Variants in PCCA observed in about 807,000 individuals in gnomAD.
PCCA encodes propionyl-CoA carboxylase alpha chain, mitochondrial.
Under a neutral mutation model 101.3 loss-of-function variants are expected in PCCA, and 74 were observed. The ratio of observed to expected loss-of-function variants is 0.73; its 90% CI spans 0.61 to 0.89. PCCA has a LOEUF of 0.89. PCCA is among the 40% of genes least tolerant of loss of function. The pLI is 0.00. For missense variants in PCCA, 891 were observed against 907.0 expected, an observed-to-expected ratio of 0.98 and a Z score of 0.23; for synonymous variants, 294 against 313.6, an observed-to-expected ratio of 0.94 and a Z score of 0.66.
intron 8 of PCCA, among the ~76,000 whole-genome samples, chr13:100,246,065 C>A (rs2061410065): frequency 6.6e-6 from 1 of 152,086 alleles, no homozygotes; most frequent in African/African-American, 2.4e-5. Flanking sequence ...CTTTATACAC[C>A]TGTATCAACT....
chr13:100,286,770 G>A (rs954450870), intron 12 of PCCA, among the ~76,000 whole-genome samples: 1 of 149,610 alleles, frequency 6.7e-6, no homozygotes, highest in Non-Finnish European at 1.5e-5. Context: ...TTAATGTCTT[G>A]GCAGGATTAA....
In PCCA at chr13:100,268,496, G is replaced by A. The variant is rs182654282; in HGVS notation, c.820-193G>A. 9.2e-4 allele frequency: 598 copies of A among 649,452 alleles called. 5 individuals carry two copies. The highest frequency in any genetic ancestry group is 7.3e-3 in the African/African-American group (402 of 54,760). 40.2% of individuals were successfully genotyped at this position (649,452 alleles called of 1,614,324 possible). On this transcript the variant is annotated intron_variant, in intron 10 of 23. Coordinates refer to ENST00000376285, the MANE Select transcript of PCCA (RefSeq NM_000282.4). ...TTCCTCAAATCTTTTTGATAAAAAT[G>A]TTTTATTGAGCTTTGGAGTAATAAA... is the stretch of plus-strand genomic sequence containing the variant.
intron 18 of PCCA, among the ~76,000 whole-genome samples, chr13:100,340,956 G>T (rs1036440860): frequency 6.6e-6 from 1 of 152,202 alleles, no homozygotes; most frequent in Non-Finnish European, 1.5e-5. Flanking sequence ...AAGATGGAAG[G>T]TGATGAACTA....
chr13:100,102,168 T>G (rs1054268094), intron 1 of PCCA, among the ~76,000 whole-genome samples: 13 of 152,008 alleles, frequency 8.6e-5, no homozygotes, highest in Admixed American at 3.3e-4. Context: ...TTCAGTGGGG[T>G]CTTGCTCTGT....
intron 22 of PCCA, among the ~76,000 whole-genome samples, chr13:100,523,602 C>G (rs147119789): frequency 6.6e-6 from 1 of 152,186 alleles, no homozygotes; most frequent in Admixed American, 6.5e-5. Flanking sequence ...TCTCTCAAGC[C>G]TTGTTTGGGG....
At chr13:100,463,050 G>A (rs1044574795) in intron 21 of PCCA, among the ~76,000 whole-genome samples, 1 of 152,194 alleles carries the variant, frequency 6.6e-6, no homozygotes, top group African/African-American at 2.4e-5. Context: ...GCAGGTTGTA[G>A]AAACTGCACT....
intron 21 of PCCA, among the ~76,000 whole-genome samples, chr13:100,505,852 C>A (rs1261632442): frequency 6.6e-6 from 1 of 151,708 alleles, no homozygotes; most frequent in African/African-American, 2.4e-5. Flanking sequence ...GTTTCTCTGC[C>A]CACCCTCCCC....
intron 22 of PCCA, among the ~76,000 whole-genome samples, chr13:100,523,275 T>C (rs2087456043): frequency 6.6e-6 from 1 of 152,214 alleles, no homozygotes; most frequent in Non-Finnish European, 1.5e-5. Context: ...CAAAGCATAC[T>C]ATAAGCTTGA....
intron 16 of PCCA, among the ~76,000 whole-genome samples, chr13:100,312,579 G>T (rs1461125169): frequency 6.6e-6 from 1 of 152,206 alleles, no homozygotes; most frequent in Non-Finnish European, 1.5e-5. Context: ...TTCATCTTTT[G>T]TGAATCTTTC....
intron 20 of PCCA, among the ~76,000 whole-genome samples, chr13:100,442,293 C>T (rs1429396311): frequency 6.6e-6 from 1 of 152,168 alleles, no homozygotes; most frequent in Non-Finnish European, 1.5e-5. Flanking sequence ...CACGCCTGGC[C>T]TGTCCTTCCT....
chr13:100,151,997 CA>C (rs771439513), intron 4 of PCCA, among the ~76,000 whole-genome samples: 1 of 151,102 alleles, frequency 6.6e-6, no homozygotes, highest in Non-Finnish European at 1.5e-5. Context: ...ATTATTAAGC[CA>C]AAAAAAACAC....
intron 4 of PCCA, among the ~76,000 whole-genome samples, chr13:100,128,800 AT>A (rs2050212421): frequency 6.6e-6 from 1 of 152,240 alleles, no homozygotes; most frequent in African/African-American, 2.4e-5. Flanking sequence ...CTTTGGTGCC[AT>A]TTTAATCTCC....
chr13:100,232,363 T>C (rs893949929), intron 7 of PCCA, among the ~76,000 whole-genome samples: 81 of 149,776 alleles, frequency 5.4e-4, no homozygotes, highest in African/African-American at 1.6e-3. Context: ...TGTGTGTGTG[T>C]GTGTGTGTGT....
chr13:100,309,618 T>C (rs2066745970), intron 15 of PCCA, among the ~76,000 whole-genome samples: 1 of 152,186 alleles, frequency 6.6e-6, no homozygotes, highest in South Asian at 2.1e-4. Context: ...TTTACTATGA[T>C]AATGAAATGT....
At chr13:100,183,842 G>T (rs539657674) in intron 6 of PCCA, among the ~76,000 whole-genome samples, 41 of 152,256 alleles carry the variant, frequency 2.7e-4, no homozygotes, top group African/African-American at 9.9e-4. Flanking sequence ...ACCCCTGTGA[G>T]CTTTGAAATG....
At chr13:100,208,849 C>T (rs1359527510) in intron 6 of PCCA, among the ~76,000 whole-genome samples, 4 of 152,098 alleles carry the variant, frequency 2.6e-5, no homozygotes, top group African/African-American at 7.2e-5. Flanking sequence ...GTTCACGTTT[C>T]CTGGAAATTG....
chr13:100,260,393 GTGTGTTTT>G lies in PCCA; in HGVS notation c.717-2334_717-2327del, dbSNP rs1462916069. Among the ~76,000 whole-genome samples the G allele has an allele frequency of 4.0e-5, 6 of 148,832 alleles. No homozygotes were observed. In the East Asian group the frequency reaches 7.8e-4, roughly 19 times the overall value. ...AAGCAAATTAGTTGTGTGTGTGTGTGTGTGTTTTTTTTTTTTTTTTTGAGATGGAGTCT... is the reference window on the plus strand; with the variant it reads ...AAGCAAATTAGTTGTGTGTGTGTGTGTTTTTTTTTTTTTGAGATGGAGTCT... On this transcript the variant is annotated intron_variant, in intron 9 of 23. Coordinates refer to ENST00000376285, the MANE Select transcript of PCCA (RefSeq NM_000282.4).
intron 12 of PCCA, among the ~76,000 whole-genome samples, chr13:100,283,073 A>G (rs1228223401): frequency 6.6e-6 from 1 of 151,964 alleles, no homozygotes; most frequent in Non-Finnish European, 1.5e-5. Flanking sequence ...AGACCTGGGG[A>G]AGTTTTCAGA....
At position 100,260,889 on chromosome 13, in the gene PCCA, C is replaced by CT. The variant is rs144474242; in HGVS notation, c.717-1837dup. ...GCAGCTTTTGAGATGAAAAACCATC[C>CT]TTTAAAAAAAAAAAAAAGGAAGAAC... is the stretch of plus-strand genomic sequence containing the variant. On this transcript the variant is annotated intron_variant, in intron 9 of 23. Transcript: ENST00000376285. Among the ~76,000 whole-genome samples, 457 of 149,674 alleles carry CT rather than the reference C, an allele frequency of 3.1e-3. 5 individuals are homozygous for CT. The highest frequency in any genetic ancestry group is 0.011 in the African/African-American group (442 of 40,836).
Sources: allele counts gnomAD v4.1 joint callset (sites outside exome capture counted in the v4.1 genomes callset), GRCh38; gene constraint gnomAD v4.1.1; transcripts MANE v1.5; gene names NCBI Gene and HGNC (gene_info 2026-07-23, HGNC 2026-07-21).